VPS13A: variants seen among roughly 807,000 people sequenced by gnomAD.
VPS13A encodes vacuolar protein sorting 13 homolog A.
Under a neutral mutation model 390.9 loss-of-function variants are expected in VPS13A, and 264 were observed. The observed-to-expected ratio is 0.68, with a 90% CI of 0.61 to 0.75. The LOEUF (loss-of-function observed/expected upper bound fraction) is 0.75, where lower values mean the gene tolerates loss of function less well. Ranked by LOEUF, VPS13A falls within the 30% of genes least tolerant of loss-of-function variation. The pLI, the probability that VPS13A is intolerant of heterozygous loss-of-function variation, is 0.00. For synonymous variants in VPS13A, 1,231 were observed against 1,227.1 expected (o/e 1.00, Z -0.07); for missense variants, 3,409 against 3,733.9 (o/e 0.91, Z 2.27).
At position 77,305,392 on chromosome 9, in the gene VPS13A, A is replaced by G. The variant is rs1415597749; in HGVS notation, c.3960+2330A>G. ...AGATAAATATTTGAAGTCTATTTATATTGGTAAGATAACAGATAGAAACTC... is the reference window on the plus strand; with the variant it reads ...AGATAAATATTTGAAGTCTATTTATGTTGGTAAGATAACAGATAGAAACTC... On this transcript the variant is annotated intron_variant, in intron 34 of 71. Transcript: ENST00000360280. Among the ~76,000 whole-genome samples, 16 of 152,218 alleles carry G rather than the reference A, an allele frequency of 1.1e-4. 1 individual carries two copies. Among genetic ancestry groups the G allele is most frequent in the Admixed American group, 1.0e-3 (16 of 15,284 alleles).
At chr9:77,211,389 A>C (rs1219652889) in intron 7 of VPS13A, 1 of 152,104 alleles carries the variant, frequency 6.6e-6, no homozygotes, top group African/African-American at 2.4e-5. Flanking sequence ...TCCTTTTTGC[A>C]CTTTCCAGTG....
rs950310537 is a variant in VPS13A at position 77,283,655 on chromosome 9, G to C, written c.3339+5G>C. 6.3e-7 allele frequency: 1 copy of C among 1,581,056 alleles called. No homozygotes were observed. The highest frequency in any genetic ancestry group is 1.4e-5 in the African/African-American group (1 of 73,698). ...ATAACAGCTATATACAAAAAGGTAAGAATTCTTTTAATTAAATAATAGTAC... is the reference window on the plus strand; with the variant it reads ...ATAACAGCTATATACAAAAAGGTAACAATTCTTTTAATTAAATAATAGTAC... On this transcript the variant is annotated splice_donor_5th_base_variant and intron_variant, in intron 31 of 71. Coordinates refer to ENST00000360280, the MANE Select transcript of VPS13A (RefSeq NM_033305.3).
intron 37 of VPS13A, 44 bp downstream of exon 37, chr9:77,314,708 T>A: frequency 6.3e-7 from 1 of 1,576,626 alleles, no homozygotes; most frequent in Non-Finnish European, 8.7e-7. Flanking sequence ...TGAGAAATCG[T>A]TGATATATTT....
chr9:77,208,178 T>G (rs1375117887), intron 5 of VPS13A, among the ~76,000 whole-genome samples: 1 of 152,196 alleles, frequency 6.6e-6, no homozygotes, highest in Non-Finnish European at 1.5e-5. Flanking sequence ...AGTCAAAGAT[T>G]AAAATATGAT....
rs541499452 is a variant in VPS13A, at chr9:77,238,110, A to T, written c.1704A>T (p.Thr568=). The T allele has an allele frequency of 4.5e-5, 73 of 1,613,660 alleles. No homozygotes were observed. Among genetic ancestry groups the T allele is most frequent in the Non-Finnish European group, 5.8e-5 (68 of 1,179,820 alleles). Residue 568 remains threonine (T), a synonymous_variant, in exon 18 of 72, where the codon ACA becomes ACT. Transcript: ENST00000360280. ...ATGCAATGTCACTTTTCCAAATTACATTTGAGATAAATCCATTAGATGAAA... is the reference window on the plus strand; with the variant it reads ...ATGCAATGTCACTTTTCCAAATTACTTTTGAGATAAATCCATTAGATGAAA... The part of the protein sequence containing the change: ...LDDAMSLFQI[T]FEINPLDETV...
intron 10 of VPS13A, among the ~76,000 whole-genome samples, chr9:77,216,490 C>T (rs554440164): frequency 1.2e-4 from 18 of 152,150 alleles, no homozygotes; most frequent in East Asian, 5.8e-4. Context: ...GTGTCTAGTA[C>T]GCAAGTGAAG....
At chr9:77,277,336 A>G (rs899970212) in intron 26 of VPS13A, among the ~76,000 whole-genome samples, 6 of 152,104 alleles carry the variant, frequency 3.9e-5, no homozygotes, top group Non-Finnish European at 8.8e-5. Context: ...TTTCCCATAT[A>G]CTCCTTGTAC....
At chr9:77,249,773 A>G (rs752863996) in intron 20 of VPS13A, among the ~76,000 whole-genome samples, 1 of 152,314 alleles carries the variant, frequency 6.6e-6, no homozygotes, top group Middle Eastern at 3.4e-3. Flanking sequence ...TTTATAAGCT[A>G]AATTTGTCTC....
In VPS13A at chr9:77,181,296, G is replaced by A. The variant is rs554985670; in HGVS notation, c.100+3492G>A. 2.0e-5 allele frequency among the ~76,000 whole-genome samples: 3 copies of A among 152,136 alleles called. No individual in the cohort carries two copies. In the East Asian group the frequency reaches 5.8e-4, roughly 29 times the overall value. On this transcript the variant is annotated intron_variant, in intron 1 of 71. Coordinates refer to ENST00000360280, the MANE Select transcript of VPS13A (RefSeq NM_033305.3). Reference sequence around the variant, plus strand: ...CCAGCACTTTGGGAGACTGGGGAGGGTGGATCACTTCAGACCAGCCTGGCC... The same window carrying A: ...CCAGCACTTTGGGAGACTGGGGAGGATGGATCACTTCAGACCAGCCTGGCC...
intron 33 of VPS13A, among the ~76,000 whole-genome samples, chr9:77,297,778 G>A (rs1240414604): frequency 6.6e-6 from 1 of 151,978 alleles, no homozygotes; most frequent in Non-Finnish European, 1.5e-5. Context: ...GGGTTGTTGT[G>A]GTAGGTACTG....
intron 52 of VPS13A, among the ~76,000 whole-genome samples, chr9:77,348,797 A>C (rs1051824887): frequency 1.3e-5 from 2 of 152,160 alleles, no homozygotes; most frequent in Admixed American, 6.5e-5. Flanking sequence ...TCTGAGGACT[A>C]TGGTTAGTTT....
intron 1 of VPS13A, among the ~76,000 whole-genome samples, chr9:77,187,717 A>G (rs1300614565): frequency 6.6e-6 from 1 of 150,926 alleles, no homozygotes; most frequent in African/African-American, 2.5e-5. Flanking sequence ...TTCCCTGCTA[A>G]CTTTTATTTT....
chr9:77,297,693 GGCATTGT>G (rs1564705434), intron 33 of VPS13A, among the ~76,000 whole-genome samples: 1 of 151,592 alleles, frequency 6.6e-6, no homozygotes, highest in Admixed American at 6.6e-5. Flanking sequence ...ATCTATCCCA[GGCATTGT>G]GCTAAGAATA....
chr9:77,227,155 A>G (rs1176574139), intron 15 of VPS13A, among the ~76,000 whole-genome samples: 1 of 152,122 alleles, frequency 6.6e-6, no homozygotes, highest in Admixed American at 6.5e-5. Context: ...GCCGTTTTTG[A>G]GCTCTTGCTT....
intron 23 of VPS13A, among the ~76,000 whole-genome samples, chr9:77,262,238 AT>A (rs920355964): frequency 6.0e-5 from 9 of 150,340 alleles, no homozygotes; most frequent in African/African-American, 2.2e-4. Context: ...TACATAGTCA[AT>A]TTTTTTTTCC....
chr9:77,203,398 C>T (rs1825443669), intron 3 of VPS13A, among the ~76,000 whole-genome samples: 1 of 152,174 alleles, frequency 6.6e-6, no homozygotes, highest in Non-Finnish European at 1.5e-5. Context: ...AAGTAACCCT[C>T]CCACCTCAGT....
At position 77,297,480 on chromosome 9, in the gene VPS13A, T is replaced by A. The variant is rs181614741; in HGVS notation, c.3812+1634T>A. Among the ~76,000 whole-genome samples, 14 of 152,102 alleles carry A rather than the reference T, an allele frequency of 9.2e-5. No individual in the cohort carries two copies. In the East Asian group the frequency reaches 2.7e-3, roughly 29 times the overall value. On this transcript the variant is annotated intron_variant, in intron 33 of 71. Transcript: ENST00000360280. Reference sequence around the variant, plus strand: ...TAGTAAACTGGGACAATCGTAGGGCTCACCTCATTTTTTTTTCCAACTCTT... The same window carrying A: ...TAGTAAACTGGGACAATCGTAGGGCACACCTCATTTTTTTTTCCAACTCTT...
chr9:77,348,726 A>G (rs1490764121), intron 52 of VPS13A, among the ~76,000 whole-genome samples: 1 of 152,142 alleles, frequency 6.6e-6, no homozygotes, highest in African/African-American at 2.4e-5. Flanking sequence ...AGATTGCAGC[A>G]TTCGTCACAT....
intron 59 of VPS13A, among the ~76,000 whole-genome samples, chr9:77,361,828 T>C (rs1832157867): frequency 6.6e-6 from 1 of 152,134 alleles, no homozygotes; most frequent in Non-Finnish European, 1.5e-5. Flanking sequence ...CTGTCTTTGA[T>C]TCTAGCAATC....
Sources: gnomAD v4.1 joint callset for allele counts (sites outside exome capture counted in the v4.1 genomes callset) on GRCh38, gnomAD v4.1.1 for gene constraint, MANE v1.5 for transcripts, NCBI Gene and HGNC (gene_info 2026-07-23, HGNC 2026-07-21) for gene names.